Variants in RSU1 observed in about 807,000 individuals in gnomAD.
RSU1 encodes the protein rsu-1.
A neutral mutation model predicts 31.1 loss-of-function variants in RSU1; 26 were observed. The ratio of observed to expected loss-of-function variants is 0.84; its 90% confidence interval spans 0.61 to 1.16. RSU1 has a LOEUF of 1.16. RSU1 is among the 50% of genes most tolerant of loss of function. RSU1 has a pLI of 0.00. For missense variants in RSU1, 320 were observed against 339.1 expected, an observed-to-expected ratio of 0.94 and a Z score of 0.44; for synonymous variants, 164 against 136.3, an observed-to-expected ratio of 1.20 and a Z score of -1.41.
At chr10:16,668,155 GAAA>G (rs1231487238) in intron 8 of RSU1, among the ~76,000 whole-genome samples, 1 of 152,152 alleles carries the variant, frequency 6.6e-6, no homozygotes, top group Non-Finnish European at 1.5e-5. Flanking sequence ...TCTCCTTTGA[GAAA>G]ATGGGGATAA....
chr10:16,743,435 A>C (rs1258147406), intron 7 of RSU1, among the ~76,000 whole-genome samples: 1 of 152,176 alleles, frequency 6.6e-6, no homozygotes, highest in African/African-American at 2.4e-5. Flanking sequence ...ACATTATACA[A>C]CTGAGATTAA....
In RSU1 at chr10:16,695,165, G is replaced by A. The variant is rs201514309; in HGVS notation, c.599-10C>T. Reference sequence around the variant, plus strand: ...GTTAAATCCAAGTTTCCTGGGGGGGGGGAAAAAAAAAGTGAAGGTCACTTC... The same window carrying A: ...GTTAAATCCAAGTTTCCTGGGGGGGAGGAAAAAAAAAGTGAAGGTCACTTC... On this transcript the variant is annotated splice_polypyrimidine_tract_variant and intron_variant, in intron 7 of 8. Transcript: ENST00000345264. 27 of 1,430,832 alleles carry A rather than the reference G, an allele frequency of 1.9e-5. No homozygotes were observed. The highest frequency in any genetic ancestry group is 1.1e-4 in the Admixed American group (5 of 44,612). 88.6% of individuals were successfully genotyped at this position (1,430,832 alleles called of 1,614,324 possible).
At chr10:16,674,399 GTT>G (rs79255856) in intron 8 of RSU1, among the ~76,000 whole-genome samples, 2,054 of 139,884 alleles carry the variant, frequency 0.015, 33 homozygotes, top group South Asian at 0.051. Flanking sequence ...GTCACGGAAG[GTT>G]TTTTTTTTTT....
chr10:16,619,098 T>A (rs1274566304), intron 8 of RSU1, among the ~76,000 whole-genome samples: 1 of 152,206 alleles, frequency 6.6e-6, no homozygotes, highest in Non-Finnish European at 1.5e-5. Flanking sequence ...GAGGACAATG[T>A]TTACAATTCT....
intron 7 of RSU1, among the ~76,000 whole-genome samples, chr10:16,714,039 GTGTTGGGCTGGC>G (rs1157530070): frequency 6.6e-6 from 1 of 152,186 alleles, no homozygotes; most frequent in Admixed American, 6.5e-5. Context: ...GGGAGTAGGG[GTGTTGGGCTGGC>G]TGTTGGGCTG....
intron 8 of RSU1, among the ~76,000 whole-genome samples, chr10:16,666,690 T>TA (rs1834995080): frequency 1.3e-5 from 2 of 152,058 alleles, no homozygotes; most frequent in Non-Finnish European, 2.9e-5. Context: ...CTCAGGGTGT[T>TA]AAAAAATGAG....
chr10:16,723,278 T>G (rs1451426027), intron 7 of RSU1: 2 of 152,174 alleles, frequency 1.3e-5, no homozygotes, highest in African/African-American at 4.8e-5. Context: ...CCAACGTTTT[T>G]TCAACCTTCA....
At chr10:16,617,328 A>C (rs1273202282) in intron 8 of RSU1, among the ~76,000 whole-genome samples, 3 of 152,228 alleles carry the variant, frequency 2.0e-5, no homozygotes, top group African/African-American at 7.2e-5. Flanking sequence ...GCTCAAGAAA[A>C]TAAGAGAGGA....
chr10:16,779,987 G>C (rs914891928), intron 3 of RSU1, among the ~76,000 whole-genome samples: 12 of 152,020 alleles, frequency 7.9e-5, no homozygotes, highest in African/African-American at 2.9e-4. Context: ...GTCTCAAATG[G>C]AGTGAAGAAA....
At chr10:16,807,256 C>G (rs1477066243) in intron 2 of RSU1, among the ~76,000 whole-genome samples, 1 of 152,116 alleles carries the variant, frequency 6.6e-6, no homozygotes, top group African/African-American at 2.4e-5. Flanking sequence ...TTGGCCTCAC[C>G]CTTAAAATTA....
At chr10:16,787,680 C>T (rs1257537485) in intron 2 of RSU1, among the ~76,000 whole-genome samples, 1 of 152,272 alleles carries the variant, frequency 6.6e-6, no homozygotes, top group East Asian at 1.9e-4. Context: ...GGGAGTTCCC[C>T]TGCACACGCT....
intron 2 of RSU1, among the ~76,000 whole-genome samples, chr10:16,790,048 G>A (rs564750370): frequency 2.0e-5 from 3 of 152,290 alleles, no homozygotes; most frequent in African/African-American, 7.2e-5. Flanking sequence ...GCATTTGTGG[G>A]GTGTGGGGGC....
chr10:16,773,032 C>T (rs142695916), intron 3 of RSU1, among the ~76,000 whole-genome samples: 1 of 152,000 alleles, frequency 6.6e-6, no homozygotes, highest in Non-Finnish European at 1.5e-5. Context: ...CAGGGCGAAA[C>T]CCCACCTCTA....
intron 8 of RSU1, among the ~76,000 whole-genome samples, chr10:16,606,360 A>C (rs1833804413): frequency 6.6e-6 from 1 of 152,028 alleles, no homozygotes; most frequent in African/African-American, 2.4e-5. Context: ...TTAGTGTCAA[A>C]CTTCTGACCT....
chr10:16,724,549 C>G (rs982584451), intron 7 of RSU1, among the ~76,000 whole-genome samples: 1 of 152,180 alleles, frequency 6.6e-6, no homozygotes, highest in Non-Finnish European at 1.5e-5. Context: ...TGAGAACATA[C>G]TAAAAGAAAA....
chr10:16,696,844 GTTT>G (rs72057505), intron 7 of RSU1, among the ~76,000 whole-genome samples: 48,448 of 151,746 alleles, frequency 0.32, 8,325 homozygotes, highest in Middle Eastern at 0.41. Context: ...ATTGATCTTT[GTTT>G]TTATCTTTAC....
chr10:16,811,777 C>CA (rs777865605), intron 2 of RSU1, among the ~76,000 whole-genome samples: 3 of 152,214 alleles, frequency 2.0e-5, no homozygotes, highest in Non-Finnish European at 2.9e-5. Flanking sequence ...AGGAAGGAGA[C>CA]AGAGTACATG....
chr10:16,745,152 A>T (rs952962000), intron 7 of RSU1, among the ~76,000 whole-genome samples: 16 of 152,216 alleles, frequency 1.1e-4, no homozygotes, highest in Non-Finnish European at 2.4e-4. Flanking sequence ...CTGGTCTCTA[A>T]ACAGTCAAAG....
intron 3 of RSU1, among the ~76,000 whole-genome samples, chr10:16,776,652 T>TA (rs982433325): frequency 2.6e-5 from 4 of 152,106 alleles, no homozygotes; most frequent in African/African-American, 9.7e-5. Context: ...GTTAAAAGTA[T>TA]AAAACTAAAC....
Sources: gnomAD v4.1 joint callset for allele counts (sites outside exome capture counted in the v4.1 genomes callset) on GRCh38, gnomAD v4.1.1 for gene constraint, MANE v1.5 for transcripts, NCBI Gene and HGNC (gene_info 2026-07-23, HGNC 2026-07-21) for gene names.